LDB2: variants seen among roughly 807,000 people sequenced by gnomAD.
LDB2 encodes LIM domain-binding protein 2.
In LDB2, 12 loss-of-function variants were observed where a neutral mutation model predicts 44.3. That is an observed-to-expected ratio of 0.27 (90% confidence interval 0.17 to 0.44). LDB2 has a LOEUF of 0.44. Ranked by LOEUF, LDB2 falls within the 20% of genes least tolerant of loss-of-function variation. The probability of loss-of-function intolerance (pLI) is 1.00; values close to 1 mark genes in which losing one functional copy is unlikely to be tolerated. For missense variants in LDB2, 344 were observed against 473.5 expected (o/e 0.73, Z 2.54); for synonymous variants, 164 against 174.8 (o/e 0.94, Z 0.49).
At chr4:16,673,043 A>T (rs1745320153) in intron 2 of LDB2, among the ~76,000 whole-genome samples, 2 of 135,748 alleles carry the variant, frequency 1.5e-5, no homozygotes, top group African/African-American at 5.6e-5. Context: ...TTCCCCCCTT[A>T]CTCCCTCCAT....
intron 2 of LDB2, among the ~76,000 whole-genome samples, chr4:16,750,013 G>T (rs1566069): frequency 0.016 from 2,377 of 151,962 alleles, 64 homozygotes; most frequent in African/African-American, 0.054. Flanking sequence ...TTCTATTTTT[G>T]TCATAAAAAT....
At chr4:16,683,427 A>C (rs530573256) in intron 2 of LDB2, among the ~76,000 whole-genome samples, 2 of 152,234 alleles carry the variant, frequency 1.3e-5, no homozygotes, top group African/African-American at 4.8e-5. Context: ...TAGTGCTACC[A>C]TTAATTACAA....
chr4:16,708,406 A>G (rs1475705713), intron 2 of LDB2, among the ~76,000 whole-genome samples: 1 of 152,108 alleles, frequency 6.6e-6, no homozygotes, highest in African/African-American at 2.4e-5. Context: ...CCTGCTTCTC[A>G]TCTACTTCAT....
intron 2 of LDB2, among the ~76,000 whole-genome samples, chr4:16,718,445 T>C (rs1757544625): frequency 6.6e-6 from 1 of 152,158 alleles, no homozygotes; most frequent in Non-Finnish European, 1.5e-5. Context: ...TTTCATGGCT[T>C]TAAAAATTTC....
chr4:16,806,886 A>T (rs551651632), intron 1 of LDB2, among the ~76,000 whole-genome samples: 12 of 152,340 alleles, frequency 7.9e-5, no homozygotes, highest in African/African-American at 2.6e-4. Flanking sequence ...AGTGCTAATA[A>T]CACAGCCTAT....
At chr4:16,584,732 G>A (rs1716121169) in intron 5 of LDB2, among the ~76,000 whole-genome samples, 1 of 152,236 alleles carries the variant, frequency 6.6e-6, no homozygotes, top group Admixed American at 6.5e-5. Flanking sequence ...GTCTTCATGG[G>A]CCACAGGATG....
chr4:16,887,734 G>C (rs1722171245), intron 1 of LDB2, among the ~76,000 whole-genome samples: 1 of 152,002 alleles, frequency 6.6e-6, no homozygotes, highest in African/African-American at 2.4e-5. Context: ...TAACGTTTGA[G>C]CTACACAAGA....
intron 2 of LDB2, among the ~76,000 whole-genome samples, chr4:16,690,443 C>G (rs1474038699): frequency 2.4e-5 from 3 of 124,314 alleles, no homozygotes; most frequent in African/African-American, 8.6e-5. Context: ...GCCTGGGCAA[C>G]CGGAGGAAGA....
intron 2 of LDB2, among the ~76,000 whole-genome samples, chr4:16,631,892 G>C (rs2152495921): frequency 6.6e-6 from 1 of 152,302 alleles, no homozygotes; most frequent in Middle Eastern, 3.4e-3. Flanking sequence ...CCAGGAAGAA[G>C]TTGAATCTCT....
At chr4:16,788,692 A>G (rs287961) in intron 1 of LDB2, among the ~76,000 whole-genome samples, 126,933 of 152,238 alleles carry the variant, frequency 0.83, 53,824 homozygotes, top group Middle Eastern at 0.94. Context: ...AAACTAACCA[A>G]TGAATGAATG....
chr4:16,671,902 A>T (rs1744870364), intron 2 of LDB2, among the ~76,000 whole-genome samples: 1 of 152,076 alleles, frequency 6.6e-6, no homozygotes, highest in African/African-American at 2.4e-5. Context: ...CTGCAGCTGA[A>T]TTGGCTTCAT....
At chr4:16,614,994 C>T (rs1377379016) in intron 2 of LDB2, among the ~76,000 whole-genome samples, 12 of 135,086 alleles carry the variant, frequency 8.9e-5, no homozygotes, top group African/African-American at 3.1e-4. Context: ...GGCGTGAACC[C>T]GGGAGGTGGA....
At chr4:16,767,569 G>C (rs1425460187) in intron 1 of LDB2, among the ~76,000 whole-genome samples, 2 of 152,178 alleles carry the variant, frequency 1.3e-5, no homozygotes, top group Non-Finnish European at 2.9e-5. Context: ...TATCTGAACT[G>C]TGTGTGGCGA....
intron 2 of LDB2, among the ~76,000 whole-genome samples, chr4:16,741,082 T>A (rs2109014818): frequency 6.6e-6 from 1 of 152,366 alleles, no homozygotes; most frequent in Middle Eastern, 3.4e-3. Context: ...GTTTTTCAAA[T>A]TCTGCTTTGC....
intron 2 of LDB2, among the ~76,000 whole-genome samples, chr4:16,623,765 T>TACACAC (rs35051593): frequency 2.5e-4 from 36 of 146,806 alleles, no homozygotes; most frequent in African/African-American, 5.8e-4. Context: ...GAAATATACA[T>TACACAC]ACACACACAC....
chr4:16,674,333 G>T (rs1394859545), intron 2 of LDB2: 1 of 1,179,396 alleles, frequency 8.5e-7, no homozygotes, highest in South Asian at 1.3e-5. Flanking sequence ...CAGAAAGACA[G>T]TGCTCTTTGT....
At chr4:16,604,449 C>T (rs1310937703) in intron 2 of LDB2, among the ~76,000 whole-genome samples, 4 of 150,524 alleles carry the variant, frequency 2.7e-5, no homozygotes, top group African/African-American at 9.7e-5. Context: ...CTGTTCTAAC[C>T]ATTGCAATAA....
chr4:16,844,240 C>A (rs1786474411), intron 1 of LDB2, among the ~76,000 whole-genome samples: 1 of 131,460 alleles, frequency 7.6e-6, no homozygotes, highest in Non-Finnish European at 1.6e-5. Context: ...AGAGACACAC[C>A]CTGTCTCCAA....
chr4:16,534,420 A>C (rs903249941), intron 5 of LDB2, among the ~76,000 whole-genome samples: 1 of 152,186 alleles, frequency 6.6e-6, no homozygotes, highest in African/African-American at 2.4e-5. Flanking sequence ...AAACACCCCG[A>C]GCTGGCCTTG....
Sources: allele counts gnomAD v4.1 joint callset (sites outside exome capture counted in the v4.1 genomes callset), GRCh38; gene constraint gnomAD v4.1.1; transcripts MANE v1.5; gene names NCBI Gene and HGNC (gene_info 2026-07-23, HGNC 2026-07-21).